MAGI2: variants seen among roughly 807,000 people sequenced by gnomAD.
MAGI2 encodes the protein membrane-associated guanylate kinase, WW and PDZ domain-containing protein 2.
Under a neutral mutation model 133.3 loss-of-function variants are expected in MAGI2, and 35 were observed. The observed-to-expected ratio is 0.26, with a 90% CI of 0.20 to 0.35. The LOEUF (loss-of-function observed/expected upper bound fraction) is 0.35. MAGI2 is among the 10% of genes least tolerant of loss of function. MAGI2 has a pLI of 1.00. For synonymous variants in MAGI2, 729 were observed against 710.6 expected (o/e 1.03, Z -0.41); for missense variants, 1,636 against 1,863.4 (o/e 0.88, Z 2.25).
chr7:79,133,128 T>G lies in MAGI2; in HGVS notation c.302-125922A>C, dbSNP rs116482848. On this transcript the variant is annotated intron_variant, in intron 1 of 21. Transcript: ENST00000354212. ...GTTTACTCTGATTATTATTTCTTTTTCTGTACAAAAGCTTTGTAGTTTAAT... is the reference window on the plus strand; with the variant it reads ...GTTTACTCTGATTATTATTTCTTTTGCTGTACAAAAGCTTTGTAGTTTAAT... Among the ~76,000 whole-genome samples, 895 of 152,248 alleles carry G rather than the reference T, an allele frequency of 5.9e-3. 10 individuals carry two copies. Among genetic ancestry groups the G allele is most frequent in the African/African-American group, 0.02 (819 of 41,562 alleles).
At chr7:78,692,707 T>A (rs879900278) in intron 2 of MAGI2, among the ~76,000 whole-genome samples, 2 of 152,180 alleles carry the variant, frequency 1.3e-5, no homozygotes, top group Admixed American at 1.3e-4. Context: ...TTATCCTTTG[T>A]GATCAAATAA....
chr7:79,084,295 T>C (rs1346853788), intron 1 of MAGI2, among the ~76,000 whole-genome samples: 1 of 151,766 alleles, frequency 6.6e-6, no homozygotes, highest in Non-Finnish European at 1.5e-5. Context: ...GCTACAGATT[T>C]CTCTCTATTC....
At chr7:78,360,479 G>T (rs773180979) in intron 7 of MAGI2, among the ~76,000 whole-genome samples, 2 of 152,216 alleles carry the variant, frequency 1.3e-5, no homozygotes, top group African/African-American at 2.4e-5. Context: ...GATACAGATT[G>T]TTAGCATGAG....
chr7:78,125,921 G>T, intron 19 of MAGI2, 84 bp from the exon 20 acceptor site: 1 of 1,327,366 alleles, frequency 7.5e-7, no homozygotes, highest in Non-Finnish European at 1.1e-6. Flanking sequence ...TTCTCCTTCT[G>T]TCTCTTAGTT....
At position 78,891,269 on chromosome 7, in the gene MAGI2, A is replaced by G. The variant is rs559674755; in HGVS notation, c.418+115821T>C. On this transcript the variant is annotated intron_variant, in intron 2 of 21. Transcript: ENST00000354212. The stretch of plus-strand genomic sequence containing the variant: ...CCAACCAAAAAAAGTTCAGGACCAG[A>G]CGGATTCAAAGCCTAATTCTACCAA... Among the ~76,000 whole-genome samples, 35 of 152,326 alleles carry G rather than the reference A, an allele frequency of 2.3e-4. No homozygotes were observed. The South Asian group carries it at 7.3e-3, about 32-fold the overall frequency.
At chr7:78,437,262 C>T (rs1044764057) in intron 6 of MAGI2, among the ~76,000 whole-genome samples, 1 of 152,152 alleles carries the variant, frequency 6.6e-6, no homozygotes, top group Non-Finnish European at 1.5e-5. Context: ...AGAGACAGGG[C>T]AGCTCACACG....
chr7:78,501,137 G>C (rs1794584592), intron 5 of MAGI2, among the ~76,000 whole-genome samples: 1 of 152,140 alleles, frequency 6.6e-6, no homozygotes, highest in Non-Finnish European at 1.5e-5. Context: ...TTTCTTTTGT[G>C]ACCTATTACT....
chr7:79,297,063 T>C (rs1235313797), intron 1 of MAGI2, among the ~76,000 whole-genome samples: 2 of 152,136 alleles, frequency 1.3e-5, no homozygotes, highest in Admixed American at 1.3e-4. Context: ...AGTATTTCAT[T>C]AAGTTGAAAC....
At chr7:78,583,356 G>A in intron 3 of MAGI2, 1 of 182,416 alleles carries the variant, frequency 5.5e-6, no homozygotes, top group Non-Finnish European at 1.2e-5. Flanking sequence ...AAATTAGCTG[G>A]GCGTGGTGGC....
chr7:78,285,414 T>G (rs1223240562), intron 9 of MAGI2, among the ~76,000 whole-genome samples: 1 of 152,072 alleles, frequency 6.6e-6, no homozygotes, highest in East Asian at 1.9e-4. Context: ...GTAATTTTGC[T>G]AGTCATTTTG....
chr7:78,865,770 C>T (rs1468556223), intron 2 of MAGI2, among the ~76,000 whole-genome samples: 1 of 152,120 alleles, frequency 6.6e-6, no homozygotes, highest in African/African-American at 2.4e-5. Context: ...CAATTCTTTT[C>T]AAATTCTTCA....
At chr7:79,076,069 C>T (rs1815434347) in intron 1 of MAGI2, among the ~76,000 whole-genome samples, 1 of 152,124 alleles carries the variant, frequency 6.6e-6, no homozygotes, top group Admixed American at 6.5e-5. Flanking sequence ...TAAGGGTGGA[C>T]AAAAGACAAG....
chr7:79,444,089 A>G (rs1848678800), intron 1 of MAGI2, among the ~76,000 whole-genome samples: 1 of 152,200 alleles, frequency 6.6e-6, no homozygotes, highest in Non-Finnish European at 1.5e-5. Context: ...TAGATGCAGA[A>G]AAGGCCTTTG....
chr7:78,243,041 C>T (rs1011191739), intron 10 of MAGI2, among the ~76,000 whole-genome samples: 1 of 152,038 alleles, frequency 6.6e-6, no homozygotes, highest in African/African-American at 2.4e-5. Context: ...CACTGCATTC[C>T]AGCCTGGGTG....
At chr7:78,465,029 A>C (rs1056774718) in intron 6 of MAGI2, among the ~76,000 whole-genome samples, 1 of 152,192 alleles carries the variant, frequency 6.6e-6, no homozygotes, top group African/African-American at 2.4e-5. Flanking sequence ...CGAATTGAAA[A>C]AGTTACCTAT....
chr7:79,343,502 A>C (rs888401600), intron 1 of MAGI2: 1 of 151,544 alleles, frequency 6.6e-6, no homozygotes, highest in Admixed American at 6.6e-5. Context: ...GAAGACATTT[A>C]TATTTATTTT....
rs947963002 is a variant in MAGI2 at position 79,453,440 on chromosome 7, C to T, written c.-120G>A. On this transcript the variant is annotated 5_prime_UTR_variant, in exon 1 of 22. Coordinates refer to ENST00000354212, the MANE Select transcript of MAGI2 (RefSeq NM_012301.4). ...GGAAGAACAGCAGACTTTGCCTTCG[C>T]CCCCCTCTATTCGGTGCTTTCCCTC... 5.4e-6 allele frequency: 8 copies of T among 1,493,140 alleles called. No homozygotes were observed. Among genetic ancestry groups the T allele is most frequent in the Non-Finnish European group, 6.2e-6 (7 of 1,129,082 alleles). 92.5% of individuals were successfully genotyped at this position (1,493,140 alleles called of 1,614,324 possible).
intron 2 of MAGI2, among the ~76,000 whole-genome samples, chr7:78,784,629 T>C (rs904282161): frequency 6.6e-5 from 10 of 152,172 alleles, no homozygotes. Context: ...CCAAAAAAAA[T>C]CTGGACAGGC....
At chr7:78,983,092 T>G (rs1291419467) in intron 2 of MAGI2, among the ~76,000 whole-genome samples, 1 of 152,090 alleles carries the variant, frequency 6.6e-6, no homozygotes, top group South Asian at 2.1e-4. Context: ...AATGATAATC[T>G]TTGGGATATA....
Sources: gnomAD v4.1 joint callset for allele counts (sites outside exome capture counted in the v4.1 genomes callset) on GRCh38, gnomAD v4.1.1 for gene constraint, MANE v1.5 for transcripts, NCBI Gene and HGNC (gene_info 2026-07-23, HGNC 2026-07-21) for gene names.